Variants in TPRA1 observed in about 807,000 individuals in gnomAD.
The protein encoded by TPRA1 is transmembrane protein adipocyte associated 1.
A neutral mutation model predicts 40.1 loss-of-function variants in TPRA1; 28 were observed. The observed-to-expected ratio is 0.70, with a 90% confidence interval of 0.52 to 0.96. The LOEUF is 0.96. Among genes scored for constraint, TPRA1 ranks in the 40% least tolerant of loss-of-function variants. The probability of loss-of-function intolerance (pLI) is 0.00; values close to 1 mark genes in which losing one functional copy is unlikely to be tolerated. For missense variants in TPRA1, 441 were observed against 482.6 expected (o/e 0.91, Z 0.81); for synonymous variants, 219 against 209.7 (o/e 1.04, Z -0.38).
rs2289185 is a variant in TPRA1 at position 127,576,916 on chromosome 3, G to A, written c.346-23C>T. ...GATCTGCACGCAGAGTGGGCACAGC[G>A]TCAGCCTGGACCAGCATCCCCAGCC... is the stretch of plus-strand genomic sequence containing the variant. On this transcript the variant is annotated intron_variant, in intron 4 of 10. Coordinates refer to ENST00000355552, the MANE Select transcript of TPRA1 (RefSeq NM_001136053.4). The surrounding 1 kb of genome is among the most constrained non-coding windows in gnomAD (Gnocchi z 4.6). The A allele has an allele frequency of 0.063, 101,488 of 1,613,656 alleles. 4,040 individuals are homozygous for A. Among genetic ancestry groups the A allele is most frequent in the East Asian group, 0.16 (7,273 of 44,876 alleles).
upstream of TPRA1, among the ~76,000 whole-genome samples, chr3:127,594,515 G>A (rs527670331): frequency 4.0e-4 from 61 of 152,314 alleles, 2 homozygotes; most frequent in South Asian, 0.011. Context: ...CAGGCTACTG[G>A]ACCCTGGTAG....
In TPRA1 at chr3:127,576,936, C is replaced by T; in HGVS notation, c.346-43G>A. 2 of 1,613,530 alleles carry T rather than the reference C, an allele frequency of 1.2e-6. No individual in the cohort carries two copies. Among genetic ancestry groups the T allele is most frequent in the Non-Finnish European group, 1.7e-6 (2 of 1,179,886 alleles). On this transcript the variant is annotated intron_variant, in intron 4 of 10. Transcript: ENST00000355552. The surrounding 1 kb of genome is among the most constrained non-coding windows in gnomAD (Gnocchi z 4.6). ...ACAGCGTCAGCCTGGACCAGCATCC[C>T]CAGCCCACCCCAGGCCAGGCCTCCC...
At chr3:127,589,979 C>T (rs533981652) in intron 1 of TPRA1, among the ~76,000 whole-genome samples, 3 of 152,374 alleles carry the variant, frequency 2.0e-5, no homozygotes, top group Admixed American at 6.5e-5. Context: ...CGACATGGCC[C>T]CCTCACGGGG....
At chr3:127,579,237 C>T (rs1478656307) in intron 3 of TPRA1, among the ~76,000 whole-genome samples, 7 of 152,202 alleles carry the variant, frequency 4.6e-5, no homozygotes, top group South Asian at 2.1e-4. Flanking sequence ...AGATGGGGGA[C>T]GAATGGATGG....
upstream of TPRA1, among the ~76,000 whole-genome samples, chr3:127,593,349 C>G (rs139910535): frequency 1.0e-3 from 154 of 152,274 alleles, no homozygotes; most frequent in African/African-American, 3.5e-3. Context: ...ATGGGGATGA[C>G]AGCAATCCCC....
upstream of TPRA1, among the ~76,000 whole-genome samples, chr3:127,592,371 T>TC (rs1320876040): frequency 7.9e-6 from 1 of 127,304 alleles, no homozygotes; most frequent in Non-Finnish European, 1.7e-5. Context: ...CATGCTGTTT[T>TC]TTTTTTTTTT....
chr3:127,581,650 T>A (rs770354655), intron 1 of TPRA1, among the ~76,000 whole-genome samples: 1 of 151,844 alleles, frequency 6.6e-6, no homozygotes, highest in Non-Finnish European at 1.5e-5. Context: ...CGGTGGCTCA[T>A]GCCTGTAATC....
chr3:127,588,220 A>G (rs1025080874), intron 1 of TPRA1: 3 of 152,224 alleles, frequency 2.0e-5, no homozygotes, highest in Non-Finnish European at 4.4e-5. Context: ...GATGTGGGAA[A>G]TACCCTGGTG....
chr3:127,574,797 G>A (rs575178920), intron 10 of TPRA1, among the ~76,000 whole-genome samples: 1 of 152,374 alleles, frequency 6.6e-6, no homozygotes, highest in African/African-American at 2.4e-5. Flanking sequence ...GTATGTATAT[G>A]TGGATATGTG....
chr3:127,573,513 A>G lies in TPRA1; in HGVS notation c.*8T>C. ...TGGCCTGTCCTCCACAGGCCCTGGCAGCTGCCCTCAGGCATTGATGGCCTT... is the reference window on the plus strand; with the variant it reads ...TGGCCTGTCCTCCACAGGCCCTGGCGGCTGCCCTCAGGCATTGATGGCCTT... On this transcript the variant is annotated 3_prime_UTR_variant, in exon 11 of 11. Coordinates refer to ENST00000355552, the MANE Select transcript of TPRA1 (RefSeq NM_001136053.4). 6.2e-7 allele frequency: 1 copy of G among 1,607,700 alleles called. No homozygotes were observed.
At chr3:127,583,212 C>T (rs2073887031) in intron 1 of TPRA1, among the ~76,000 whole-genome samples, 1 of 151,264 alleles carries the variant, frequency 6.6e-6, no homozygotes. Flanking sequence ...ACTCAGGAGG[C>T]TGAGGCAGGA....
At chr3:127,579,985 C>T in intron 2 of TPRA1, 37 bp downstream of exon 2, 1 of 1,611,910 alleles carries the variant, frequency 6.2e-7, no homozygotes. Flanking sequence ...AAGCCACTGA[C>T]ACTCAGCGAG....
chr3:127,593,618 A>G (rs764757787), upstream of TPRA1, among the ~76,000 whole-genome samples: 23 of 152,124 alleles, frequency 1.5e-4, no homozygotes, highest in Admixed American at 1.0e-3. Flanking sequence ...CACACCAGAG[A>G]AAATGGCGGA....
intron 3 of TPRA1, among the ~76,000 whole-genome samples, chr3:127,577,300 C>T (rs1271226940): frequency 2.0e-5 from 3 of 152,216 alleles, no homozygotes; most frequent in Non-Finnish European, 2.9e-5. Context: ...CTGGCCCTCC[C>T]TCTCGGGGCC....
chr3:127,573,750 A>T lies in TPRA1; in HGVS notation c.893T>A (p.Val298Glu). The change falls in exon 11 of 11, where the codon GTG becomes GAG. Residue 298 changes from valine (V) to glutamate (E), a missense_variant. By Grantham distance (121) the Val-to-Glu change is moderately radical (BLOSUM62 -2). Transcript: ENST00000355552. ...TACATCTGGCTCCTCTGTCTCGTCCACTTGGCATTTGTAGGAGAAGAGGAT... is the reference window on the plus strand; with the variant it reads ...TACATCTGGCTCCTCTGTCTCGTCCTCTTGGCATTTGTAGGAGAAGAGGAT... Reference protein sequence around the residue: ...PKILFSYKCQVDETEEPDVHL... With the variant: ...PKILFSYKCQEDETEEPDVHL... 6.3e-7 allele frequency: 1 copy of T among 1,587,818 alleles called. No individual in the cohort carries two copies. The highest frequency in any genetic ancestry group is 8.6e-7 in the Non-Finnish European group (1 of 1,161,300).
chr3:127,585,989 T>A (rs929148842), intron 1 of TPRA1, among the ~76,000 whole-genome samples: 2 of 152,176 alleles, frequency 1.3e-5, no homozygotes, highest in African/African-American at 2.4e-5. Flanking sequence ...GTCTGCCAAA[T>A]GAGTAACTAA....
intron 1 of TPRA1, 178 bp from the exon 2 acceptor site, chr3:127,580,341 AGGCAGG>A (rs1225998841): frequency 2.1e-5 from 14 of 653,808 alleles, no homozygotes; most frequent in African/African-American, 3.7e-5. Flanking sequence ...CCAATCCCCC[AGGCAGG>A]GGCCCAGTCC....
chr3:127,590,841 A>C (rs1301545689), upstream of TPRA1: 1 of 150,194 alleles, frequency 6.7e-6, no homozygotes, highest in Non-Finnish European at 1.5e-5. Flanking sequence ...AAAAAGTGGG[A>C]GAGACCAATC....
intron 10 of TPRA1, chr3:127,574,853 T>C: frequency 2.5e-6 from 1 of 407,518 alleles, no homozygotes; most frequent in South Asian, 2.3e-5. Context: ...TTCATGTGTG[T>C]ATGCATGCAT....
Sources: gnomAD v4.1 joint callset for allele counts (sites outside exome capture counted in the v4.1 genomes callset) on GRCh38, gnomAD v4.1.1 for gene constraint, Gnocchi (gnomAD v3.1) non-coding constraint, MANE v1.5 for transcripts, NCBI Gene and HGNC (gene_info 2026-07-23, HGNC 2026-07-21) for gene names.